SEC14L5: variants seen among roughly 807,000 people sequenced by gnomAD.
The protein encoded by SEC14L5 is SEC14-like protein 5.
In SEC14L5, 96 loss-of-function variants were observed where a neutral mutation model predicts 84.6. That is an observed-to-expected ratio of 1.13 (90% CI 0.96 to 1.34). The LOEUF (loss-of-function observed/expected upper bound fraction) is 1.34, where lower values mean the gene tolerates loss of function less well. Ranked by LOEUF, SEC14L5 falls within the 40% of genes most tolerant of loss-of-function variation. The pLI is 0.00. For synonymous variants in SEC14L5, 546 were observed against 383.4 expected, an observed-to-expected ratio of 1.42 and a Z score of -4.95; for missense variants, 1,224 against 942.5, an observed-to-expected ratio of 1.30 and a Z score of -3.91.
chr16:5,010,176 C>A (rs1315100495), intron 14 of SEC14L5, among the ~76,000 whole-genome samples: 1 of 98,132 alleles, frequency 1.0e-5, no homozygotes. Flanking sequence ...AACTCCGTCT[C>A]TACTAAAAAT....
intron 2 of SEC14L5, among the ~76,000 whole-genome samples, chr16:4,972,164 G>A (rs1955287785): frequency 1.3e-5 from 2 of 152,048 alleles, no homozygotes; most frequent in South Asian, 4.2e-4. Context: ...ACCGAACCTG[G>A]CTAATTTTAA....
intron 2 of SEC14L5, 55 bp from the exon 3 acceptor site, chr16:4,987,502 G>GA: frequency 7.0e-7 from 1 of 1,437,646 alleles, no homozygotes; most frequent in Non-Finnish European, 9.3e-7. Flanking sequence ...CGCGCTGGGG[G>GA]GGGGGGTCCC....
chr16:4,984,236 GTCTC>G (rs1474020428), intron 2 of SEC14L5, among the ~76,000 whole-genome samples: 3 of 152,068 alleles, frequency 2.0e-5, no homozygotes, highest in East Asian at 1.9e-4. Context: ...TCTACTTTCT[GTCTC>G]TCTCTATTTG....
At chr16:5,004,586 G>C (rs879258701) in intron 11 of SEC14L5, among the ~76,000 whole-genome samples, 6 of 152,088 alleles carry the variant, frequency 3.9e-5, no homozygotes, top group Admixed American at 1.3e-4. Context: ...GGACAGGGGT[G>C]GGGGCAGGGA....
intron 11 of SEC14L5, among the ~76,000 whole-genome samples, chr16:5,003,795 A>G (rs1230742223): frequency 6.6e-6 from 1 of 152,232 alleles, no homozygotes; most frequent in Non-Finnish European, 1.5e-5. Flanking sequence ...CCAATCCCAG[A>G]ACATTTCTGT....
At chr16:4,967,066 C>G (rs1167374233) in intron 2 of SEC14L5, among the ~76,000 whole-genome samples, 1 of 152,234 alleles carries the variant, frequency 6.6e-6, no homozygotes, top group Admixed American at 6.5e-5. Context: ...AGGAGACTGT[C>G]CCTCAGTGAC....
chr16:4,959,286 C>A lies in SEC14L5; in HGVS notation c.-38C>A. The A allele has an allele frequency of 6.4e-7, 1 of 1,564,450 alleles. No homozygotes were observed. The highest frequency in any genetic ancestry group is 1.1e-5 in the South Asian group (1 of 90,060). Reference sequence around the variant, plus strand: ...TCCTCGCCCCAGGCTCTGTGCACACCCCTGCCTGGTGACCTCCATTGGTGC... The same window carrying A: ...TCCTCGCCCCAGGCTCTGTGCACACACCTGCCTGGTGACCTCCATTGGTGC... On this transcript the variant is annotated 5_prime_UTR_variant, in exon 2 of 16. Coordinates refer to ENST00000251170, the MANE Select transcript of SEC14L5 (RefSeq NM_014692.2).
chr16:4,984,180 C>T (rs1459017070), intron 2 of SEC14L5, among the ~76,000 whole-genome samples: 2 of 152,142 alleles, frequency 1.3e-5, no homozygotes, highest in Non-Finnish European at 2.9e-5. Flanking sequence ...CCTCAACACC[C>T]CCACCATCTC....
rs556382407 is a variant in SEC14L5 at position 5,018,689 on chromosome 16, T to G, written c.*3719T>G. The G allele has an allele frequency of 3.7e-4, 57 of 152,198 alleles. No individual in the cohort carries two copies. The highest frequency in any genetic ancestry group is 1.4e-3 in the African/African-American group (56 of 41,434). 9.4% of individuals were successfully genotyped at this position (152,198 alleles called of 1,614,324 possible). On this transcript the variant is annotated 3_prime_UTR_variant, in exon 16 of 16. Coordinates refer to ENST00000251170, the MANE Select transcript of SEC14L5 (RefSeq NM_014692.2). ...AAAGAAGAAAGAAGCTGCTTGTGTT[T>G]TCTGGGTAAGTCCACCCATCTGAGG...
intron 8 of SEC14L5, among the ~76,000 whole-genome samples, chr16:4,998,570 C>G (rs1596636129): frequency 2.7e-5 from 4 of 148,928 alleles, no homozygotes; most frequent in African/African-American, 9.9e-5. Flanking sequence ...AACCCCGTCT[C>G]TACTAAAAAT....
rs1284013111 is a variant in SEC14L5, at chr16:5,017,727, A to G, written c.*2757A>G. Reference sequence around the variant, plus strand: ...TGGACCACAGAACCAGCAGGTATCCATGGTGGCATCTGCTACGGCCGGCTC... The same window carrying G: ...TGGACCACAGAACCAGCAGGTATCCGTGGTGGCATCTGCTACGGCCGGCTC... On this transcript the variant is annotated 3_prime_UTR_variant, in exon 16 of 16. Transcript: ENST00000251170. 1 of 152,186 alleles carries G rather than the reference A, an allele frequency of 6.6e-6. No individual in the cohort carries two copies. The highest frequency in any genetic ancestry group is 1.5e-5 in the Non-Finnish European group (1 of 68,034). 9.4% of individuals were successfully genotyped at this position (152,186 alleles called of 1,614,324 possible). A position where few individuals can be genotyped will look rare whatever the true frequency, so the allele number is the denominator to read the frequency against.
At chr16:5,003,298 C>A in intron 10 of SEC14L5, 104 bp from the exon 11 acceptor site, 1 of 855,910 alleles carries the variant, frequency 1.2e-6, no homozygotes, top group Non-Finnish European at 1.9e-6. Context: ...CATCTGCTCC[C>A]AGCCCTATCT....
intron 4 of SEC14L5, 74 bp from the exon 5 acceptor site, chr16:4,990,693 A>C: frequency 7.0e-7 from 1 of 1,438,678 alleles, no homozygotes; most frequent in Non-Finnish European, 9.3e-7. Context: ...GGCCCAGGTC[A>C]GTGGGAGAGC....
At chr16:4,974,282 C>T (rs961272523) in intron 2 of SEC14L5, among the ~76,000 whole-genome samples, 1 of 152,064 alleles carries the variant, frequency 6.6e-6, no homozygotes, top group African/African-American at 2.4e-5. Context: ...GTGGCAGGAT[C>T]ATAGCTCACT....
At chr16:5,014,021 C>A (rs1250798763) in intron 15 of SEC14L5, among the ~76,000 whole-genome samples, 1 of 152,238 alleles carries the variant, frequency 6.6e-6, no homozygotes, top group Non-Finnish European at 1.5e-5. Flanking sequence ...AAGCTCCGGG[C>A]ACTGCTGGTG....
At chr16:4,992,105 G>T in intron 6 of SEC14L5, 75 bp downstream of exon 6, 1 of 1,079,162 alleles carries the variant, frequency 9.3e-7, no homozygotes, top group Non-Finnish European at 1.3e-6. Context: ...GGGCCCTGGG[G>T]CATGTTGGGG....
chr16:5,012,765 C>CGG (rs1955820314), intron 15 of SEC14L5, among the ~76,000 whole-genome samples: 5 of 121,826 alleles, frequency 4.1e-5, no homozygotes, highest in African/African-American at 1.2e-4. Context: ...ATTAGCCGGG[C>CGG]ATGCCTATAA....
At chr16:5,003,983 C>T (rs750778307) in intron 11 of SEC14L5, among the ~76,000 whole-genome samples, 44 of 152,210 alleles carry the variant, frequency 2.9e-4, no homozygotes, top group Admixed American at 2.0e-3. Context: ...CCCATGTGCG[C>T]GCACACATAC....
intron 2 of SEC14L5, among the ~76,000 whole-genome samples, chr16:4,971,396 C>G (rs887881089): frequency 6.6e-6 from 1 of 151,290 alleles, no homozygotes; most frequent in Non-Finnish European, 1.5e-5. Flanking sequence ...GAGGTCGAGG[C>G]TGCAGTGAGC....
Sources: allele counts gnomAD v4.1 joint callset (sites outside exome capture counted in the v4.1 genomes callset), GRCh38; gene constraint gnomAD v4.1.1; transcripts MANE v1.5; gene names NCBI Gene and HGNC (gene_info 2026-07-23, HGNC 2026-07-21).